The following CACNA2D3 variants were observed in gnomAD, a reference collection of about 807,000 sequenced individuals.
CACNA2D3 encodes calcium voltage-gated channel auxiliary subunit alpha2delta 3.
Under a neutral mutation model 160.6 loss-of-function variants are expected in CACNA2D3, and 60 were observed. That is an observed-to-expected ratio of 0.37 (90% CI 0.30 to 0.46). CACNA2D3 has a LOEUF of 0.46. CACNA2D3 is among the 20% of genes least tolerant of loss of function. The probability of loss-of-function intolerance (pLI) is 1.00; values close to 1 mark genes in which losing one functional copy is unlikely to be tolerated. For missense variants in CACNA2D3, 1,205 were observed against 1,365.0 expected (o/e 0.88, Z 1.85); for synonymous variants, 558 against 492.9 (o/e 1.13, Z -1.75).
intron 13 of CACNA2D3, among the ~76,000 whole-genome samples, chr3:54,771,574 CCCAAAGTTCCTTG>C (rs1313919790): frequency 1.3e-5 from 2 of 152,202 alleles, no homozygotes; most frequent in African/African-American, 4.8e-5. Flanking sequence ...CCAAAGGCCA[CCCAAAGTTCCTTG>C]CCATGTGGCC....
intron 21 of CACNA2D3, among the ~76,000 whole-genome samples, chr3:54,882,991 T>A (rs1227831954): frequency 6.6e-6 from 1 of 152,198 alleles, no homozygotes; most frequent in African/African-American, 2.4e-5. Flanking sequence ...GTTTCTCTTA[T>A]GAATCTTTTA....
At chr3:54,126,160 A>G (rs1377657480) in intron 2 of CACNA2D3, among the ~76,000 whole-genome samples, 3 of 152,236 alleles carry the variant, frequency 2.0e-5, no homozygotes, top group Admixed American at 6.5e-5. Context: ...TTGACACTTC[A>G]TGTTGTGAAT....
intron 2 of CACNA2D3, among the ~76,000 whole-genome samples, chr3:54,206,869 A>G (rs1701285508): frequency 6.6e-6 from 1 of 152,196 alleles, no homozygotes; most frequent in Admixed American, 6.5e-5. Context: ...AACATAATAC[A>G]TAATTTATTT....
intron 11 of CACNA2D3, among the ~76,000 whole-genome samples, chr3:54,642,785 T>C (rs181174065): frequency 6.6e-6 from 1 of 152,332 alleles, no homozygotes; most frequent in African/African-American, 2.4e-5. Context: ...GAGGCCATTG[T>C]GAGGTTATTA....
intron 11 of CACNA2D3, among the ~76,000 whole-genome samples, chr3:54,747,623 C>T (rs143297566): frequency 7.9e-5 from 12 of 152,208 alleles, no homozygotes; most frequent in Non-Finnish European, 1.2e-4. Flanking sequence ...TGATGTGGCA[C>T]CCATTGTATC....
rs185091036 is a variant in CACNA2D3 at position 54,864,319 on chromosome 3, G to T, written c.1627-7220G>T. 1.1e-3 allele frequency among the ~76,000 whole-genome samples: 170 copies of T among 151,850 alleles called. 1 individual carries two copies. Among genetic ancestry groups the T allele is most frequent in the African/African-American group, 3.4e-3 (142 of 41,392 alleles). On this transcript the variant is annotated intron_variant, in intron 17 of 37. Coordinates refer to ENST00000474759, the MANE Select transcript of CACNA2D3 (RefSeq NM_018398.3). ...AAGACAGTCTCTCTCTGTCGCCCAGGCTGGAGTGCGGTGGCACAATCTCAG... is the reference window on the plus strand; with the variant it reads ...AAGACAGTCTCTCTCTGTCGCCCAGTCTGGAGTGCGGTGGCACAATCTCAG...
Position 54,736,072 on chromosome 3 carries a change from T to TAC in CACNA2D3, c.1168-16525_1168-16524dup, listed in dbSNP as rs1471831988. On this transcript the variant is annotated intron_variant, in intron 11 of 37. Transcript: ENST00000474759. ...ACATACATATGTATGTATATATATA[T>TAC]ACATATATATGTATGTGTATATATA... 1.1e-3 allele frequency among the ~76,000 whole-genome samples: 29 copies of TAC among 26,178 alleles called. 2 individuals are homozygous for TAC. Among genetic ancestry groups the TAC allele is most frequent in the East Asian group, 3.8e-3 (8 of 2,090 alleles). The allele number at this position is 26,178 out of a possible 152,430, so 17.2% of individuals were successfully genotyped here. A position where few individuals can be genotyped will look rare whatever the true frequency, so the allele number is the denominator to read the frequency against.
At chr3:54,712,302 G>T (rs1700966352) in intron 11 of CACNA2D3, among the ~76,000 whole-genome samples, 1 of 152,178 alleles carries the variant, frequency 6.6e-6, no homozygotes, top group East Asian at 1.9e-4. Context: ...TAAAGTCAAG[G>T]TGTCAGCTGA....
At chr3:55,044,036 G>A (rs139508967) in intron 35 of CACNA2D3, among the ~76,000 whole-genome samples, 109 of 152,262 alleles carry the variant, frequency 7.2e-4, no homozygotes, top group African/African-American at 2.2e-3. Flanking sequence ...TTGAAATCAA[G>A]CAAGAAGAAT....
intron 10 of CACNA2D3, among the ~76,000 whole-genome samples, chr3:54,633,254 C>A (rs1699286109): frequency 1.3e-5 from 2 of 152,096 alleles, no homozygotes; most frequent in Admixed American, 1.3e-4. Context: ...ATTGTGTGCT[C>A]AATTGGAGAG....
intron 3 of CACNA2D3, among the ~76,000 whole-genome samples, chr3:54,360,670 G>C (rs1451496331): frequency 1.3e-5 from 2 of 152,166 alleles, no homozygotes; most frequent in African/African-American, 4.8e-5. Flanking sequence ...TAGGCATGTT[G>C]ATACTGGCAG....
intron 9 of CACNA2D3, among the ~76,000 whole-genome samples, chr3:54,608,156 GA>G (rs1172615516): frequency 1.3e-5 from 2 of 152,174 alleles, no homozygotes; most frequent in Non-Finnish European, 2.9e-5. Context: ...AAATGAATGT[GA>G]AAACTGGTGA....
chr3:54,973,071 G>A lies in CACNA2D3; in HGVS notation c.2556+3227G>A, dbSNP rs192603352. Among the ~76,000 whole-genome samples, 4 of 152,188 alleles carry A rather than the reference G, an allele frequency of 2.6e-5. No homozygotes were observed. The East Asian group carries it at 7.8e-4, about 30-fold the overall frequency. On this transcript the variant is annotated intron_variant, in intron 29 of 37. Coordinates refer to ENST00000474759, the MANE Select transcript of CACNA2D3 (RefSeq NM_018398.3). ...AACTGACATGCGGTAGTCAGCGAAGGCTTCTCTGAGGGGGTAACATTTAAG... is the reference window on the plus strand; with the variant it reads ...AACTGACATGCGGTAGTCAGCGAAGACTTCTCTGAGGGGGTAACATTTAAG...
intron 2 of CACNA2D3, among the ~76,000 whole-genome samples, chr3:54,277,472 G>T (rs759518978): frequency 6.6e-6 from 1 of 152,108 alleles, no homozygotes; most frequent in African/African-American, 2.4e-5. Context: ...CCTCCGTTCT[G>T]TTCCATTGGT....
At chr3:54,708,989 C>G (rs1426683468) in intron 11 of CACNA2D3, among the ~76,000 whole-genome samples, 1 of 150,132 alleles carries the variant, frequency 6.7e-6, no homozygotes, top group Admixed American at 6.7e-5. Context: ...ACCCTAAAAC[C>G]TAATTCTATA....
chr3:54,578,862 T>C (rs1170165783), intron 8 of CACNA2D3, among the ~76,000 whole-genome samples: 2 of 152,188 alleles, frequency 1.3e-5, no homozygotes, highest in Non-Finnish European at 2.9e-5. Flanking sequence ...TAGACTTTTA[T>C]ATTAGCAAGG....
At chr3:54,889,622 A>G (rs1700008494) in intron 24 of CACNA2D3, among the ~76,000 whole-genome samples, 1 of 152,204 alleles carries the variant, frequency 6.6e-6, no homozygotes, top group Non-Finnish European at 1.5e-5. Flanking sequence ...TCTCTTCTAG[A>G]CATCGTGAGC....
At chr3:54,749,920 G>A (rs963762785) in intron 11 of CACNA2D3, among the ~76,000 whole-genome samples, 2 of 152,180 alleles carry the variant, frequency 1.3e-5, no homozygotes, top group Non-Finnish European at 2.9e-5. Context: ...CCAGGGGATG[G>A]TGCTGATTGT....
chr3:54,373,189 C>G (rs1385799275), intron 3 of CACNA2D3, among the ~76,000 whole-genome samples: 2 of 152,142 alleles, frequency 1.3e-5, no homozygotes, highest in Non-Finnish European at 2.9e-5. Flanking sequence ...TTAATCGAAA[C>G]CAGGGACTTG....
Sources: gnomAD v4.1 joint callset for allele counts (sites outside exome capture counted in the v4.1 genomes callset) on GRCh38, gnomAD v4.1.1 for gene constraint, MANE v1.5 for transcripts, NCBI Gene and HGNC (gene_info 2026-07-23, HGNC 2026-07-21) for gene names.